SLMAP: variants seen among roughly 807,000 people sequenced by gnomAD.
SLMAP encodes sarcolemmal membrane-associated protein.
Under a neutral mutation model 128.8 loss-of-function variants are expected in SLMAP, and 44 were observed. The ratio of observed to expected loss-of-function variants is 0.34; its 90% CI spans 0.27 to 0.44. SLMAP has a LOEUF of 0.44. Ranked by LOEUF, SLMAP falls within the 20% of genes least tolerant of loss-of-function variation. The pLI, the probability that SLMAP is intolerant of heterozygous loss-of-function variation, is 1.00. For missense variants in SLMAP, 787 were observed against 985.3 expected (o/e 0.80, Z 2.69); for synonymous variants, 327 against 348.8 (o/e 0.94, Z 0.70).
chr3:57,796,845 T>A (rs1265870172), intron 2 of SLMAP, among the ~76,000 whole-genome samples: 1 of 152,136 alleles, frequency 6.6e-6, no homozygotes, highest in Non-Finnish European at 1.5e-5. Flanking sequence ...ATGTCAAAAA[T>A]GCAACTATAT....
chr3:57,853,955 T>TTTTATATATA (rs1491461131), intron 6 of SLMAP, among the ~76,000 whole-genome samples: 21 of 31,930 alleles, frequency 6.6e-4, no homozygotes, highest in African/African-American at 1.8e-3. Flanking sequence ...AAAAAAAAAA[T>TTTTATATATA]TATATATATA....
chr3:57,862,288 A>G (rs2095108713), intron 10 of SLMAP, among the ~76,000 whole-genome samples: 1 of 152,014 alleles, frequency 6.6e-6, no homozygotes, highest in South Asian at 2.1e-4. Flanking sequence ...ACTGCACTCC[A>G]GCCTGGGCGA....
intron 17 of SLMAP, among the ~76,000 whole-genome samples, chr3:57,906,316 T>TTTCTTTTC (rs1559512928): frequency 6.8e-5 from 7 of 103,182 alleles, no homozygotes; most frequent in African/African-American, 2.0e-4. Flanking sequence ...TTTTCTTTTT[T>TTTCTTTTC]TTTTTTTTTT....
In SLMAP at chr3:57,845,046, G is replaced by A. The variant is rs567198770; in HGVS notation, c.420-2151G>A. Reference sequence around the variant, plus strand: ...CCCACAATGGTTATCTCTGAGTGCTGGTATTGAGTAATTTTTATGTATTTC... The same window carrying A: ...CCCACAATGGTTATCTCTGAGTGCTAGTATTGAGTAATTTTTATGTATTTC... On this transcript the variant is annotated intron_variant, in intron 4 of 24. Transcript: ENST00000671191. 3.9e-5 allele frequency among the ~76,000 whole-genome samples: 6 copies of A among 152,000 alleles called. No homozygotes were observed. The South Asian group carries it at 1.3e-3, about 32-fold the overall frequency.
In SLMAP at chr3:57,919,397, T is replaced by G. The variant is rs1576420954; in HGVS notation, c.2310+2320T>G. On this transcript the variant is annotated intron_variant, in intron 22 of 24. Coordinates refer to ENST00000671191, the MANE Select transcript of SLMAP (RefSeq NM_001377540.1). ...ACTCCATCTCAGAAAAAAAAAAAAG[T>G]AAATCTTAATCCTCAGTATTAAAAG... 2.7e-5 allele frequency among the ~76,000 whole-genome samples: 4 copies of G among 149,624 alleles called. No individual in the cohort carries two copies. The South Asian group carries it at 8.5e-4, about 32-fold the overall frequency.
intron 2 of SLMAP, among the ~76,000 whole-genome samples, chr3:57,761,317 C>T (rs760533069): frequency 6.6e-5 from 10 of 151,522 alleles, no homozygotes; most frequent in South Asian, 4.2e-4. Flanking sequence ...TTTTTTGAGA[C>T]GGAGTCTGGC....
intron 14 of SLMAP, among the ~76,000 whole-genome samples, chr3:57,877,071 G>A (rs529481821): frequency 6.6e-6 from 1 of 151,940 alleles, no homozygotes; most frequent in Non-Finnish European, 1.5e-5. Flanking sequence ...ATCTGAGGAT[G>A]TATTCTTAAT....
At chr3:57,868,429 T>A (rs571654805) in intron 13 of SLMAP, among the ~76,000 whole-genome samples, 2,133 of 146,524 alleles carry the variant, frequency 0.015, 50 homozygotes, top group African/African-American at 0.049. Context: ...AAAAAAAAAA[T>A]TTTTTTTTTA....
intron 2 of SLMAP, among the ~76,000 whole-genome samples, chr3:57,803,488 G>A (rs2089080932): frequency 6.6e-6 from 1 of 152,200 alleles, no homozygotes; most frequent in African/African-American, 2.4e-5. Context: ...GCCAAGCATT[G>A]TTGCAAAGCC....
intron 14 of SLMAP, among the ~76,000 whole-genome samples, chr3:57,874,820 T>C (rs1396258996): frequency 2.0e-5 from 3 of 151,592 alleles, no homozygotes; most frequent in South Asian, 2.1e-4. Context: ...GATTGTGCCA[T>C]TGCACTCCAG....
intron 13 of SLMAP, among the ~76,000 whole-genome samples, chr3:57,868,726 C>G (rs1277720149): frequency 1.4e-5 from 2 of 148,118 alleles, no homozygotes; most frequent in Non-Finnish European, 3.0e-5. Context: ...GACCCTGTCT[C>G]TTAATTTAAA....
chr3:57,852,013 C>T (rs1401906056), intron 6 of SLMAP, among the ~76,000 whole-genome samples: 8 of 152,212 alleles, frequency 5.3e-5, no homozygotes, highest in South Asian at 4.1e-4. Flanking sequence ...CGGGTTCAAG[C>T]GATTCTCCTG....
chr3:57,846,309 AT>A (rs1345486157), intron 4 of SLMAP, among the ~76,000 whole-genome samples: 3 of 152,154 alleles, frequency 2.0e-5, no homozygotes, highest in Non-Finnish European at 4.4e-5. Flanking sequence ...GTACCAATTA[AT>A]GCCATCTATT....
rs939000037 is a variant in SLMAP at position 57,757,593 on chromosome 3, C to T, written c.-59C>T. The stretch of plus-strand genomic sequence containing the variant: ...GGGCATAGGCTTGTGAAGGGCAGTC[C>T]GGATCCGGAGGAACTCCTCTTTGTC... On this transcript the variant is annotated 5_prime_UTR_variant, in exon 2 of 25. Transcript: ENST00000671191. 6 of 1,557,534 alleles carry T rather than the reference C, an allele frequency of 3.9e-6. No individual in the cohort carries two copies. Among genetic ancestry groups the T allele is most frequent in the South Asian group, 3.4e-5 (3 of 88,770 alleles).
chr3:57,770,913 T>G (rs1455750933), intron 2 of SLMAP, among the ~76,000 whole-genome samples: 1 of 152,146 alleles, frequency 6.6e-6, no homozygotes, highest in South Asian at 2.1e-4. Context: ...TTTAGGATTT[T>G]GGAATATTTG....
At chr3:57,825,938 T>C (rs1254954724) in intron 2 of SLMAP, among the ~76,000 whole-genome samples, 4 of 152,202 alleles carry the variant, frequency 2.6e-5, no homozygotes, top group Admixed American at 6.5e-5. Context: ...TTCGAGACTT[T>C]TAACAAAGTT....
At chr3:57,761,236 T>G (rs542970667) in intron 2 of SLMAP, among the ~76,000 whole-genome samples, 1 of 152,136 alleles carries the variant, frequency 6.6e-6, no homozygotes, top group Non-Finnish European at 1.5e-5. Flanking sequence ...CTTAGGAAGG[T>G]GATGAGAAAT....
At chr3:57,760,859 C>T (rs55786011) in intron 2 of SLMAP, among the ~76,000 whole-genome samples, 4 of 152,064 alleles carry the variant, frequency 2.6e-5, no homozygotes, top group Non-Finnish European at 5.9e-5. Context: ...TCCCGAGTAG[C>T]TGGGACTACA....
chr3:57,776,609 C>T (rs187174679), intron 2 of SLMAP, among the ~76,000 whole-genome samples: 194 of 150,014 alleles, frequency 1.3e-3, no homozygotes, highest in African/African-American at 4.2e-3. Flanking sequence ...TCACTGCAAC[C>T]TCCACCTCTC....
Sources: allele counts gnomAD v4.1 joint callset (sites outside exome capture counted in the v4.1 genomes callset), GRCh38; gene constraint gnomAD v4.1.1; transcripts MANE v1.5; gene names NCBI Gene and HGNC (gene_info 2026-07-23, HGNC 2026-07-21).